The following CCSER1 variants were observed in gnomAD, a reference collection of about 807,000 sequenced individuals.
The protein encoded by CCSER1 is serine-rich coiled-coil domain-containing protein 1.
A neutral mutation model predicts 82.0 loss-of-function variants in CCSER1; 41 were observed. That is an observed-to-expected ratio of 0.50 (90% CI 0.39 to 0.65). The LOEUF (loss-of-function observed/expected upper bound fraction) is 0.65, where lower values mean the gene tolerates loss of function less well. Ranked by LOEUF, CCSER1 falls within the 30% of genes least tolerant of loss-of-function variation. The pLI, the probability that CCSER1 is intolerant of heterozygous loss-of-function variation, is 0.00. For missense variants in CCSER1, 1,119 were observed against 1,064.2 expected (o/e 1.05, Z -0.72); for synonymous variants, 414 against 383.9 (o/e 1.08, Z -0.92).
At chr4:90,180,213 G>A (rs1204888577) in intron 1 of CCSER1, among the ~76,000 whole-genome samples, 1 of 151,592 alleles carries the variant, frequency 6.6e-6, no homozygotes, top group African/African-American at 2.4e-5. Flanking sequence ...CATTTTTTAA[G>A]ACTTCTAACT....
intron 6 of CCSER1, among the ~76,000 whole-genome samples, chr4:90,691,492 A>G (rs930952083): frequency 1.3e-5 from 2 of 151,970 alleles, no homozygotes; most frequent in Admixed American, 6.6e-5. Context: ...TATCACATGT[A>G]TATAAACGTG....
chr4:90,941,967 G>C (rs143699343), intron 9 of CCSER1, among the ~76,000 whole-genome samples: 4 of 145,846 alleles, frequency 2.7e-5, no homozygotes, highest in Non-Finnish European at 5.9e-5. Flanking sequence ...TGTTTTTTTT[G>C]AGACAAGTTC....
intron 1 of CCSER1, among the ~76,000 whole-genome samples, chr4:90,215,188 C>T (rs1254823544): frequency 6.6e-6 from 1 of 152,102 alleles, no homozygotes; most frequent in East Asian, 1.9e-4. Context: ...TTCACCGTTC[C>T]TGAGAAATAG....
intron 10 of CCSER1, among the ~76,000 whole-genome samples, chr4:91,570,287 A>G (rs1763108708): frequency 6.7e-6 from 1 of 149,820 alleles, no homozygotes; most frequent in Non-Finnish European, 1.5e-5. Context: ...CAGTGGGTCT[A>G]CCATTCTGGG....
At chr4:90,934,058 A>G (rs1386910292) in intron 9 of CCSER1, among the ~76,000 whole-genome samples, 1 of 151,852 alleles carries the variant, frequency 6.6e-6, no homozygotes, top group Admixed American at 6.6e-5. Context: ...ATACACTTTC[A>G]TATGTACCAA....
chr4:91,027,297 A>G (rs1413068722), intron 9 of CCSER1, among the ~76,000 whole-genome samples: 4 of 152,168 alleles, frequency 2.6e-5, no homozygotes, highest in African/African-American at 9.6e-5. Context: ...TAATCCTAAA[A>G]TTAGGAATAA....
intron 10 of CCSER1, among the ~76,000 whole-genome samples, chr4:91,481,335 G>A (rs1757898022): frequency 1.3e-5 from 2 of 151,982 alleles, no homozygotes; most frequent in Admixed American, 1.3e-4. Context: ...TCCTTAGCTT[G>A]TAGATGGCTA....
At chr4:91,296,747 T>C (rs764618487) in intron 10 of CCSER1, among the ~76,000 whole-genome samples, 46 of 151,300 alleles carry the variant, frequency 3.0e-4, no homozygotes, top group Non-Finnish European at 6.2e-4. Flanking sequence ...ATGTATTCTA[T>C]ACATTGTAAA....
intron 9 of CCSER1, among the ~76,000 whole-genome samples, chr4:90,933,180 TG>T (rs1730442196): frequency 1.9e-5 from 2 of 102,642 alleles, no homozygotes; most frequent in Non-Finnish European, 3.8e-5. Context: ...TGTGTGTGTG[TG>T]TGATTTTATT....
chr4:91,333,429 C>A (rs1423480196), intron 10 of CCSER1, among the ~76,000 whole-genome samples: 1 of 152,028 alleles, frequency 6.6e-6, no homozygotes, highest in Non-Finnish European at 1.5e-5. Flanking sequence ...AACACTCTTA[C>A]ATTTGTACTT....
intron 8 of CCSER1, among the ~76,000 whole-genome samples, chr4:90,823,854 T>C (rs2149796585): frequency 6.6e-6 from 1 of 152,072 alleles, no homozygotes; most frequent in East Asian, 1.9e-4. Flanking sequence ...TGCAGACTCT[T>C]TTTTTATTAA....
At chr4:90,896,621 A>G (rs62312271) in intron 8 of CCSER1, among the ~76,000 whole-genome samples, 9,110 of 152,002 alleles carry the variant, frequency 0.06, 313 homozygotes, top group Admixed American at 0.097. Flanking sequence ...ACCTGAAATA[A>G]CATAGTATGT....
chr4:90,269,888 T>G (rs1725943004), intron 1 of CCSER1, among the ~76,000 whole-genome samples: 1 of 152,054 alleles, frequency 6.6e-6, no homozygotes, highest in Non-Finnish European at 1.5e-5. Flanking sequence ...GAGGTTACTT[T>G]GAGGAACTAT....
chr4:90,431,427 G>C (rs941216906), intron 4 of CCSER1, among the ~76,000 whole-genome samples: 3 of 152,002 alleles, frequency 2.0e-5, no homozygotes, highest in African/African-American at 7.2e-5. Flanking sequence ...TATAAGAATA[G>C]TACACCAGAG....
At chr4:90,716,066 A>G (rs755013422) in intron 6 of CCSER1, among the ~76,000 whole-genome samples, 5 of 151,196 alleles carry the variant, frequency 3.3e-5, no homozygotes, top group Non-Finnish European at 3.0e-5. Context: ...TAATATATAT[A>G]TTACCCTATA....
chr4:91,050,186 T>C (rs1467611535), intron 9 of CCSER1, among the ~76,000 whole-genome samples: 1 of 152,198 alleles, frequency 6.6e-6, no homozygotes, highest in Non-Finnish European at 1.5e-5. Context: ...GTCTCAGCAC[T>C]TTGGGAGGCT....
intron 10 of CCSER1, among the ~76,000 whole-genome samples, chr4:91,161,783 G>C (rs911056603): frequency 6.6e-6 from 1 of 152,090 alleles, no homozygotes; most frequent in Admixed American, 6.6e-5. Context: ...GCAACATGAA[G>C]CAATAAGACA....
intron 6 of CCSER1, among the ~76,000 whole-genome samples, chr4:90,635,960 A>G (rs117272501): frequency 1.3e-5 from 2 of 152,044 alleles, no homozygotes; most frequent in East Asian, 3.9e-4. Flanking sequence ...CGAAGCATGT[A>G]GAAAGACATA....
intron 10 of CCSER1, among the ~76,000 whole-genome samples, chr4:91,475,171 T>TTG (rs1291216963): frequency 4.0e-5 from 6 of 151,354 alleles, no homozygotes; most frequent in African/African-American, 9.7e-5. Flanking sequence ...TTAAAGGATG[T>TTG]TGTGTGTGTG....
Sources: allele counts gnomAD v4.1 joint callset (sites outside exome capture counted in the v4.1 genomes callset), GRCh38; gene constraint gnomAD v4.1.1; transcripts MANE v1.5; gene names NCBI Gene and HGNC (gene_info 2026-07-23, HGNC 2026-07-21).